Variants in BTBD8 observed in about 807,000 individuals in gnomAD.
BTBD8 encodes the protein BTB/POZ domain-containing protein 8.
A neutral mutation model predicts 162.9 loss-of-function variants in BTBD8; 110 were observed. The ratio of observed to expected loss-of-function variants is 0.68; its 90% CI spans 0.58 to 0.79. BTBD8 has a LOEUF of 0.79. Among genes scored for constraint, BTBD8 ranks in the 30% least tolerant of loss-of-function variants. The probability of loss-of-function intolerance (pLI) is 0.00; values close to 1 mark genes in which losing one functional copy is unlikely to be tolerated. For synonymous variants in BTBD8, 667 were observed against 716.1 expected, an observed-to-expected ratio of 0.93 and a Z score of 1.10; for missense variants, 1,905 against 2,085.4, an observed-to-expected ratio of 0.91 and a Z score of 1.68.
chr1:92,180,758 G>T lies in BTBD8; in HGVS notation c.3075G>T (p.Ala1025=). The change falls in exon 17 of 18, where the codon GCG becomes GCT. Residue 1025 remains alanine, a synonymous_variant. Coordinates refer to ENST00000636805, the MANE Select transcript of BTBD8 (RefSeq NM_001376131.1). ...ACGATCAAGAAAAAGAGAAGTTGGC[G>T]TTAGAATGCCAAAATATTTCAAAGC... ...PLNDQEKEKL[A]LECQNISKLD... 1 of 1,551,688 alleles carries T rather than the reference G, an allele frequency of 6.4e-7. No individual in the cohort carries two copies. Among genetic ancestry groups the T allele is most frequent in the Non-Finnish European group, 8.7e-7 (1 of 1,146,984 alleles).
intron 1 of BTBD8, among the ~76,000 whole-genome samples, chr1:92,087,294 C>G (rs765956630): frequency 6.9e-6 from 1 of 143,994 alleles, no homozygotes; most frequent in Non-Finnish European, 1.5e-5. Context: ...TCCTTATTCA[C>G]TTGAGGGGTG....
intron 2 of BTBD8, among the ~76,000 whole-genome samples, chr1:92,099,073 T>C (rs1482892928): frequency 6.6e-6 from 1 of 152,234 alleles, no homozygotes; most frequent in Non-Finnish European, 1.5e-5. Flanking sequence ...TTTTTGTATA[T>C]GGTATGAGGT....
chr1:92,108,503 A>C (rs987334873), intron 4 of BTBD8, among the ~76,000 whole-genome samples: 3 of 152,234 alleles, frequency 2.0e-5, no homozygotes, highest in Non-Finnish European at 4.4e-5. Context: ...ACTCATGAAT[A>C]GCATTGATTA....
intron 2 of BTBD8, among the ~76,000 whole-genome samples, chr1:92,090,429 C>T (rs968260380): frequency 6.6e-6 from 1 of 152,116 alleles, no homozygotes; most frequent in Non-Finnish European, 1.5e-5. Context: ...GCTTATTTGC[C>T]ATTTTTATAT....
chr1:92,151,401 G>A (rs1317172924), intron 9 of BTBD8, among the ~76,000 whole-genome samples: 1 of 151,200 alleles, frequency 6.6e-6, no homozygotes, highest in Admixed American at 6.6e-5. Flanking sequence ...AGCTAATGAA[G>A]GACTGTGTTG....
chr1:92,106,494 A>G (rs1428092848), intron 3 of BTBD8, among the ~76,000 whole-genome samples: 1 of 151,592 alleles, frequency 6.6e-6, no homozygotes, highest in African/African-American at 2.4e-5. Context: ...CCCCGTCTCT[A>G]CTAAAAATAC....
At chr1:92,095,708 C>T (rs1181995153) in intron 2 of BTBD8, among the ~76,000 whole-genome samples, 2 of 152,148 alleles carry the variant, frequency 1.3e-5, no homozygotes, top group East Asian at 3.9e-4. Context: ...ATTGCAATTG[C>T]TATGTAGATG....
At chr1:92,159,493 C>G (rs1213715451) in intron 9 of BTBD8, among the ~76,000 whole-genome samples, 1 of 152,032 alleles carries the variant, frequency 6.6e-6, no homozygotes. Flanking sequence ...TTTTCCTTCA[C>G]CAATGAGTTT....
chr1:92,133,505 A>T (rs532803373), intron 5 of BTBD8, among the ~76,000 whole-genome samples: 1 of 152,324 alleles, frequency 6.6e-6, no homozygotes, highest in Non-Finnish European at 1.5e-5. Flanking sequence ...CCACTGTTGC[A>T]TGTCTGCAGG....
chr1:92,139,377 G>C lies in BTBD8; in HGVS notation c.780G>C (p.Met260Ile), dbSNP rs567580399. Residue 260 changes from methionine (M) to isoleucine (I), a missense_variant, in exon 6 of 18, where the codon ATG becomes ATC. By Grantham distance (10) the Met-to-Ile change is conservative. Coordinates refer to ENST00000636805, the MANE Select transcript of BTBD8 (RefSeq NM_001376131.1). Reference protein sequence around the residue: ...QGISHVELNVMMHFIYGGTLD... With the variant: ...QGISHVELNVIMHFIYGGTLD... Reference sequence around the variant, plus strand: ...TAAGCCATGTAGAACTGAATGTTATGATGCATTTTATATATGGAGGAACTC... The same window carrying C: ...TAAGCCATGTAGAACTGAATGTTATCATGCATTTTATATATGGAGGAACTC... 3.8e-6 allele frequency: 6 copies of C among 1,591,428 alleles called. No homozygotes were observed. In the South Asian group the frequency reaches 7.1e-5, roughly 19 times the overall value.
At position 92,082,003 on chromosome 1, in the gene BTBD8, C is replaced by T. The variant is rs920739968; in HGVS notation, c.149+1283C>T. On this transcript the variant is annotated intron_variant, in intron 1 of 17. Transcript: ENST00000636805. ...TTGGGACTATCTACTGGGGAAGCTA[C>T]TTTGTCTCTACCAGGGAGGGACTGA... Among the ~76,000 whole-genome samples the T allele has an allele frequency of 5.9e-5, 9 of 152,266 alleles. No individual in the cohort carries two copies. The South Asian group carries it at 1.9e-3, about 32-fold the overall frequency.
intron 11 of BTBD8, 139 bp from the exon 12 acceptor site, chr1:92,168,723 ATAAC>A: frequency 1.4e-6 from 1 of 733,920 alleles, no homozygotes; most frequent in Non-Finnish European, 1.9e-6. Context: ...GTCTTCATAA[ATAAC>A]ATGTACCCAA....
intron 12 of BTBD8, 103 bp downstream of exon 12, chr1:92,169,098 T>C: frequency 8.7e-7 from 1 of 1,143,722 alleles, no homozygotes; most frequent in Non-Finnish European, 1.2e-6. Context: ...TTTGTGTGCT[T>C]CTGTTGGATA....
At chr1:92,100,184 CTGTT>C (rs1648551305) in intron 2 of BTBD8, among the ~76,000 whole-genome samples, 1 of 152,108 alleles carries the variant, frequency 6.6e-6, no homozygotes, top group Admixed American at 6.5e-5. Flanking sequence ...TGAGATACAT[CTGTT>C]TGTCATGGTT....
intron 2 of BTBD8, among the ~76,000 whole-genome samples, chr1:92,100,186 GT>G: frequency 6.6e-6 from 1 of 152,266 alleles, no homozygotes; most frequent in South Asian, 2.1e-4. Flanking sequence ...AGATACATCT[GT>G]TTGTCATGGT....
At chr1:92,160,204 G>A (rs1185919955) in intron 9 of BTBD8, among the ~76,000 whole-genome samples, 2 of 151,716 alleles carry the variant, frequency 1.3e-5, no homozygotes, top group East Asian at 3.9e-4. Flanking sequence ...TCAGCTCCAT[G>A]ATTTCTGTTT....
In BTBD8 at chr1:92,182,429, A is replaced by C. The variant is rs1650942295; in HGVS notation, c.4746A>C (p.Arg1582Ser). The change falls in exon 17 of 18, where the codon AGA (arginine) becomes AGC (serine). Residue 1582 changes from arginine to serine, a missense_variant. Physicochemically the swap from Arg to Ser is moderately radical, Grantham distance 110 (BLOSUM62 -1). Around this residue, in one of 3 missense-constraint regions of BTBD8, gnomAD observed 517 missense variants for 606.6 expected, o/e 0.85. Transcript: ENST00000636805. Reference sequence around the variant, plus strand: ...ATAGTGATGTAAAATCTCAAGAAAGACCATGTCACTTGGATCTTCATCAAA... The same window carrying C: ...ATAGTGATGTAAAATCTCAAGAAAGCCCATGTCACTTGGATCTTCATCAAA... ...FLDSDVKSQERPCHLDLHQRE... is the reference protein window; with the variant it reads ...FLDSDVKSQESPCHLDLHQRE... The C allele has an allele frequency of 6.4e-7, 1 of 1,551,126 alleles. No homozygotes were observed. The highest frequency in any genetic ancestry group is 8.7e-7 in the Non-Finnish European group (1 of 1,146,824).
chr1:92,156,945 A>ATT (rs556213022), intron 9 of BTBD8, among the ~76,000 whole-genome samples: 2 of 128,108 alleles, frequency 1.6e-5, no homozygotes, highest in Non-Finnish European at 3.4e-5. Context: ...TCTAATATTT[A>ATT]TTTTTTTTTT....
intron 2 of BTBD8, 94 bp from the exon 3 acceptor site, chr1:92,102,379 T>C: frequency 9.7e-7 from 1 of 1,035,378 alleles, no homozygotes; most frequent in Non-Finnish European, 1.3e-6. Context: ...GGTTTAATAT[T>C]ATATATGAAA....
Sources: gnomAD v4.1 joint callset for allele counts (sites outside exome capture counted in the v4.1 genomes callset) on GRCh38, gnomAD v4.1.1 for gene constraint, gnomAD v4.1.1 regional missense constraint, MANE v1.5 for transcripts, NCBI Gene and HGNC (gene_info 2026-07-23, HGNC 2026-07-21) for gene names.